C8orf34: variants seen among roughly 807,000 people sequenced by gnomAD.
C8orf34 encodes chromosome 8 open reading frame 34, also known as uncharacterized protein C8orf34.
In C8orf34, 65 loss-of-function variants were observed where a neutral mutation model predicts 68.3. The ratio of observed to expected loss-of-function variants is 0.95; its 90% CI spans 0.78 to 1.17. The LOEUF (loss-of-function observed/expected upper bound fraction) is 1.17, where lower values mean the gene tolerates loss of function less well. C8orf34 is among the 50% of genes most tolerant of loss of function. C8orf34 has a pLI of 0.00. For synonymous variants in C8orf34, 244 were observed against 241.2 expected (o/e 1.01, Z -0.11); for missense variants, 664 against 655.4 (o/e 1.01, Z -0.14).
At chr8:68,747,790 C>T (rs931982773) in intron 10 of C8orf34, among the ~76,000 whole-genome samples, 40 of 151,254 alleles carry the variant, frequency 2.6e-4, no homozygotes, top group Non-Finnish European at 4.6e-4. Context: ...GAATCAATAT[C>T]GTGAAAATGG....
intron 10 of C8orf34, among the ~76,000 whole-genome samples, chr8:68,767,363 C>G (rs868107054): frequency 6.6e-6 from 1 of 152,058 alleles, no homozygotes; most frequent in Non-Finnish European, 1.5e-5. Flanking sequence ...TTCATTGTCC[C>G]CCAAAGTTAA....
intron 7 of C8orf34, among the ~76,000 whole-genome samples, chr8:68,616,015 T>G (rs1277639844): frequency 6.6e-6 from 1 of 151,252 alleles, no homozygotes; most frequent in Non-Finnish European, 1.5e-5. Flanking sequence ...TGGTTTAGTC[T>G]TGGGAGGGTG....
intron 12 of C8orf34, among the ~76,000 whole-genome samples, chr8:68,812,975 T>C (rs1197846894): frequency 1.3e-5 from 2 of 152,208 alleles, no homozygotes; most frequent in African/African-American, 4.8e-5. Flanking sequence ...TCATAGTTCA[T>C]CAGAGTTGCA....
intron 12 of C8orf34, among the ~76,000 whole-genome samples, chr8:68,810,747 A>C (rs1824625733): frequency 6.6e-6 from 1 of 152,106 alleles, no homozygotes; most frequent in Non-Finnish European, 1.5e-5. Flanking sequence ...GGTCATCCTG[A>C]CATCTGCTCA....
chr8:68,553,381 T>C (rs1009662361), intron 7 of C8orf34, among the ~76,000 whole-genome samples: 1 of 70,550 alleles, frequency 1.4e-5, no homozygotes, highest in Non-Finnish European at 2.3e-5. Context: ...CGAGACTCCA[T>C]CTCAAAAAAA....
rs1563568599 is a variant in C8orf34, at chr8:68,622,291, C to A, written c.1106-18085C>A. Among the ~76,000 whole-genome samples, 3 of 152,286 alleles carry A rather than the reference C, an allele frequency of 2.0e-5. No individual in the cohort carries two copies. The East Asian group carries it at 5.8e-4, about 29-fold the overall frequency. On this transcript the variant is annotated intron_variant, in intron 7 of 13. Coordinates refer to ENST00000518698, the MANE Select transcript of C8orf34 (RefSeq NM_052958.4). ...GAAGTCCAATCAACTTGACAGCATT[C>A]TTCAGTTAAAAGCAAATCACTACAT...
chr8:68,617,314 T>C (rs1818252725), intron 7 of C8orf34, among the ~76,000 whole-genome samples: 1 of 152,202 alleles, frequency 6.6e-6, no homozygotes, highest in African/African-American at 2.4e-5. Flanking sequence ...ATGTGTGAAT[T>C]TGATCATGTC....
At chr8:68,574,183 A>G (rs1816836383) in intron 7 of C8orf34, among the ~76,000 whole-genome samples, 1 of 152,098 alleles carries the variant, frequency 6.6e-6, no homozygotes, top group Non-Finnish European at 1.5e-5. Flanking sequence ...TGCTATTTCA[A>G]CATCTGTATA....
rs185123164 is a variant in C8orf34, at chr8:68,730,281, A to C, written c.1404+8844A>C. Among the ~76,000 whole-genome samples, 460 of 152,298 alleles carry C rather than the reference A, an allele frequency of 3.0e-3. 2 individuals carry two copies. The highest frequency in any genetic ancestry group is 6.9e-3 in the Admixed American group (106 of 15,288). On this transcript the variant is annotated intron_variant, in intron 10 of 13. Coordinates refer to ENST00000518698, the MANE Select transcript of C8orf34 (RefSeq NM_052958.4). ...AGCAATGAAATTTATGTTAAAGAAC[A>C]GTGACTAGTACATATTTTGCTCAGT...
intron 1 of C8orf34, among the ~76,000 whole-genome samples, chr8:68,431,714 C>A (rs912580117): frequency 6.6e-6 from 1 of 152,144 alleles, no homozygotes; most frequent in Non-Finnish European, 1.5e-5. Flanking sequence ...AGGCATCAGA[C>A]AAAATATTGC....
At chr8:68,521,376 C>G (rs1275571992) in intron 5 of C8orf34, among the ~76,000 whole-genome samples, 1 of 152,164 alleles carries the variant, frequency 6.6e-6, no homozygotes, top group Non-Finnish European at 1.5e-5. Context: ...GCAATACACC[C>G]TTCGAGCCCT....
rs142825249 is a variant in C8orf34, at chr8:68,516,785, C to T, written c.766-5014C>T. 2.4e-3 allele frequency among the ~76,000 whole-genome samples: 363 copies of T among 152,126 alleles called. 2 individuals are homozygous for T. Among genetic ancestry groups the T allele is most frequent in the Middle Eastern group, 0.017 (5 of 294 alleles). On this transcript the variant is annotated intron_variant, in intron 5 of 13. Coordinates refer to ENST00000518698, the MANE Select transcript of C8orf34 (RefSeq NM_052958.4). Reference sequence around the variant, plus strand: ...CCTCCCGAGTAGCTGAGATTATAGGCGTGTGCCACCACGCCCAGCTAATTT... The same window carrying T: ...CCTCCCGAGTAGCTGAGATTATAGGTGTGTGCCACCACGCCCAGCTAATTT...
intron 3 of C8orf34, 70 bp downstream of exon 3, chr8:68,446,530 G>T: frequency 1.3e-6 from 2 of 1,502,078 alleles, no homozygotes; most frequent in Non-Finnish European, 8.9e-7. Flanking sequence ...ATGAAGAAAA[G>T]GTATTAATTG....
intron 7 of C8orf34, among the ~76,000 whole-genome samples, chr8:68,568,593 A>G (rs1323828171): frequency 1.3e-5 from 2 of 152,206 alleles, no homozygotes; most frequent in East Asian, 3.8e-4. Flanking sequence ...GCAATAAAAT[A>G]AAGCACAATA....
At chr8:68,681,694 A>G (rs1411701223) in intron 8 of C8orf34, among the ~76,000 whole-genome samples, 1 of 152,206 alleles carries the variant, frequency 6.6e-6, no homozygotes, top group Admixed American at 6.5e-5. Context: ...GGAAATCAGT[A>G]TGTCAAAGAG....
intron 7 of C8orf34, among the ~76,000 whole-genome samples, chr8:68,591,637 G>A (rs1817390828): frequency 6.6e-6 from 1 of 152,206 alleles, no homozygotes; most frequent in Admixed American, 6.5e-5. Flanking sequence ...ACTCTATCTC[G>A]TTCGACGTTA....
At chr8:68,806,702 T>A (rs1190461168) in intron 12 of C8orf34, among the ~76,000 whole-genome samples, 1 of 152,238 alleles carries the variant, frequency 6.6e-6, no homozygotes, top group Non-Finnish European at 1.5e-5. Context: ...TGCTTCTAAA[T>A]CTATCGTTTT....
rs1266157785 is a variant in C8orf34, at chr8:68,461,742, G to A, written c.608-6950G>A. On this transcript the variant is annotated intron_variant, in intron 3 of 13. Coordinates refer to ENST00000518698, the MANE Select transcript of C8orf34 (RefSeq NM_052958.4). The stretch of plus-strand genomic sequence containing the variant: ...AATCCTTTACAGACAAGCAAATGCT[G>A]AAAGATTTTGTCACCACCAGGCCTG... Among the ~76,000 whole-genome samples, 8 of 152,300 alleles carry A rather than the reference G, an allele frequency of 5.3e-5. No homozygotes were observed. In the East Asian group the frequency reaches 1.5e-3, roughly 29 times the overall value.
intron 5 of C8orf34, among the ~76,000 whole-genome samples, chr8:68,511,402 C>G (rs1814269101): frequency 6.6e-6 from 1 of 152,004 alleles, no homozygotes; most frequent in African/African-American, 2.4e-5. Flanking sequence ...TTAAAGAGAG[C>G]AGGGGTACTA....
Sources: gnomAD v4.1 joint callset for allele counts (sites outside exome capture counted in the v4.1 genomes callset) on GRCh38, gnomAD v4.1.1 for gene constraint, MANE v1.5 for transcripts, NCBI Gene and HGNC (gene_info 2026-07-23, HGNC 2026-07-21) for gene names.